DHTKD1: variants seen among roughly 807,000 people sequenced by gnomAD.
DHTKD1 encodes the protein dehydrogenase E1 and transketolase domain containing 1.
Under a neutral mutation model 101.8 loss-of-function variants are expected in DHTKD1, and 78 were observed. That is an observed-to-expected ratio of 0.77 (90% confidence interval 0.64 to 0.93). DHTKD1 has a LOEUF of 0.93. Among genes scored for constraint, DHTKD1 ranks in the 40% least tolerant of loss-of-function variants. The pLI, the probability that DHTKD1 is intolerant of heterozygous loss-of-function variation, is 0.00. For missense variants in DHTKD1, 1,223 were observed against 1,161.7 expected, an observed-to-expected ratio of 1.05 and a Z score of -0.77; for synonymous variants, 462 against 450.3, an observed-to-expected ratio of 1.03 and a Z score of -0.33.
At chr10:12,077,210 G>T (rs1832746957) in intron 1 of DHTKD1, among the ~76,000 whole-genome samples, 3 of 150,692 alleles carry the variant, frequency 2.0e-5, no homozygotes. Flanking sequence ...TATATGTTGT[G>T]GTCATTCATT....
rs1174335738 is a variant in DHTKD1, at chr10:12,103,464, T to TC, written c.1896+2288dup. On this transcript the variant is annotated intron_variant, in intron 10 of 16. Coordinates refer to ENST00000263035, the MANE Select transcript of DHTKD1 (RefSeq NM_018706.7). The surrounding 1 kb of genome is among the most constrained non-coding windows in gnomAD (Gnocchi z 4.8). ...TGAATAGGTCCTTGGGGTGTGTTTTTCCCCCAACTTCGTTGTACATCTCAA... is the reference window on the plus strand; with the variant it reads ...TGAATAGGTCCTTGGGGTGTGTTTTTCCCCCCAACTTCGTTGTACATCTCAA... 1.3e-5 allele frequency among the ~76,000 whole-genome samples: 2 copies of TC among 151,180 alleles called. No homozygotes were observed. The highest frequency in any genetic ancestry group is 1.3e-4 in the Admixed American group (2 of 15,012).
intron 3 of DHTKD1, among the ~76,000 whole-genome samples, chr10:12,085,576 C>A (rs555306069): frequency 2.7e-4 from 41 of 152,266 alleles, no homozygotes; most frequent in Non-Finnish European, 4.9e-4. Context: ...TTACTTAAGA[C>A]TTACTTAAGA....
chr10:12,085,990 C>T (rs888119813), intron 3 of DHTKD1, among the ~76,000 whole-genome samples: 9 of 151,920 alleles, frequency 5.9e-5, no homozygotes, highest in Non-Finnish European at 1.3e-4. Flanking sequence ...CTTGCCCTGT[C>T]GCCCAAGTAG....
At chr10:12,106,439 C>T (rs201257966) in intron 11 of DHTKD1, 43 bp downstream of exon 11, 24 of 1,607,258 alleles carry the variant, frequency 1.5e-5, no homozygotes, top group East Asian at 9.0e-5. Flanking sequence ...GGGGTCCCTG[C>T]GTGGCCCCAG....
intron 14 of DHTKD1, among the ~76,000 whole-genome samples, chr10:12,118,537 TAC>T (rs1833458143): frequency 6.6e-6 from 1 of 151,950 alleles, no homozygotes; most frequent in South Asian, 2.1e-4. Context: ...TGCCCGCCAG[TAC>T]GCCCGGCTAA....
chr10:12,081,189 G>C (rs1158581598), intron 1 of DHTKD1, among the ~76,000 whole-genome samples: 1 of 148,896 alleles, frequency 6.7e-6, no homozygotes, highest in Non-Finnish European at 1.5e-5. Context: ...CAGGAGAATG[G>C]CGTGAACCTG....
Position 12,089,235 on chromosome 10 carries a change from G to C in DHTKD1, c.967G>C (p.Asp323His). Residue 323 changes from aspartate (D) to histidine (H), a missense_variant, in exon 5 of 17, where the codon GAC (aspartate) becomes CAC (histidine). Coordinates refer to ENST00000263035, the MANE Select transcript of DHTKD1 (RefSeq NM_018706.7). ...YSPDNSAQPG[D>H]RVICLQVHGD... Reference sequence around the variant, plus strand: ...TCCAGACAACTCAGCCCAGCCGGGGGACAGGGTCATTTGCTTACAGGTACT... The same window carrying C: ...TCCAGACAACTCAGCCCAGCCGGGGCACAGGGTCATTTGCTTACAGGTACT... The C allele has an allele frequency of 6.2e-7, 1 of 1,614,076 alleles. No homozygotes were observed.
Position 12,089,109 on chromosome 10 carries a change from G to A in DHTKD1, c.841G>A (p.Val281Met), listed in dbSNP as rs1832948740. Residue 281 changes from valine (V) to methionine (M), a missense_variant, in exon 5 of 17, where the codon GTG (valine) becomes ATG (methionine). By Grantham distance (21) the Val-to-Met change is conservative (BLOSUM62 1). Coordinates refer to ENST00000263035, the MANE Select transcript of DHTKD1 (RefSeq NM_018706.7). ...CTTTGGGGCGCACCATCCCCTCCAT[G>A]TGACAATGTTGCCCAATCCCTCGCA... ...LYFGAHHPLHVTMLPNPSHLE... is the reference protein window; with the variant it reads ...LYFGAHHPLHMTMLPNPSHLE... The A allele has an allele frequency of 6.8e-6, 11 of 1,614,028 alleles. No homozygotes were observed. The highest frequency in any genetic ancestry group is 2.7e-5 in the African/African-American group (2 of 74,918).
chr10:12,105,842 C>T (rs190234917), intron 10 of DHTKD1, among the ~76,000 whole-genome samples: 19 of 152,212 alleles, frequency 1.2e-4, no homozygotes, highest in African/African-American at 4.1e-4. Context: ...ATGCTGTAAC[C>T]CCAGCACTTT....
At chr10:12,076,995 A>AAAAAAAAAAG (rs1554790544) in intron 1 of DHTKD1, among the ~76,000 whole-genome samples, 17 of 128,092 alleles carry the variant, frequency 1.3e-4, no homozygotes, top group Non-Finnish European at 1.5e-4. Context: ...AAAAAAAAAA[A>AAAAAAAAAAG]GGAAGAAAAA....
rs1588616118 is a variant in DHTKD1 at position 12,107,685 on chromosome 10, T to C, written c.2048-224T>C. ...TATCCGCCTCAGCCTCCCAAAGTGC[T>C]GGGATTACAGGTGTGAGCCACCGTG... On this transcript the variant is annotated intron_variant, in intron 11 of 16. Coordinates refer to ENST00000263035, the MANE Select transcript of DHTKD1 (RefSeq NM_018706.7). The surrounding 1 kb of genome is among the most constrained non-coding windows in gnomAD (Gnocchi z 4.1). 6.6e-6 allele frequency among the ~76,000 whole-genome samples: 1 copy of C among 152,202 alleles called. No individual in the cohort carries two copies. Among genetic ancestry groups the C allele is most frequent in the Non-Finnish European group, 1.5e-5 (1 of 68,034 alleles).
intron 1 of DHTKD1, among the ~76,000 whole-genome samples, chr10:12,078,968 A>G (rs981640459): frequency 8.4e-4 from 128 of 152,112 alleles, no homozygotes; most frequent in African/African-American, 2.8e-3. Context: ...ATGGGAATGG[A>G]GATTGCCCTG....
Position 12,107,856 on chromosome 10 carries a change from C to A in DHTKD1, c.2048-53C>A, listed in dbSNP as rs893520420. ...ATTTCCCCAGCTGAGTCGTGTCAGG[C>A]CACTTTGTCCCCGCTTCGTAGAGCT... On this transcript the variant is annotated intron_variant, in intron 11 of 16. Coordinates refer to ENST00000263035, the MANE Select transcript of DHTKD1 (RefSeq NM_018706.7). The surrounding 1 kb of genome is among the most constrained non-coding windows in gnomAD (Gnocchi z 4.1). 2 of 1,256,160 alleles carry A rather than the reference C, an allele frequency of 1.6e-6. No individual in the cohort carries two copies. The highest frequency in any genetic ancestry group is 1.2e-6 in the Non-Finnish European group (1 of 864,718). The allele number at this position is 1,256,160 out of a possible 1,614,324, so 77.8% of individuals were successfully genotyped here.
Position 12,107,523 on chromosome 10 carries a change from T to C in DHTKD1, c.2048-386T>C, listed in dbSNP as rs1278789494. 6.6e-6 allele frequency among the ~76,000 whole-genome samples: 1 copy of C among 152,056 alleles called. No individual in the cohort carries two copies. Among genetic ancestry groups the C allele is most frequent in the Non-Finnish European group, 1.5e-5 (1 of 68,032 alleles). On this transcript the variant is annotated intron_variant, in intron 11 of 16. Transcript: ENST00000263035. The surrounding 1 kb of genome is among the most constrained non-coding windows in gnomAD (Gnocchi z 4.1). ...ACCTCTATCTCCCGGGGTCAAGTGA[T>C]TCTCCCACCTCAGCCTCCCGAGTAG... is the stretch of plus-strand genomic sequence containing the variant.
chr10:12,102,004 A>G (rs1224410088), intron 10 of DHTKD1, among the ~76,000 whole-genome samples: 1 of 152,298 alleles, frequency 6.6e-6, no homozygotes, highest in African/African-American at 2.4e-5. Flanking sequence ...CAATTATTCA[A>G]GTGTCTAGCA....
intron 1 of DHTKD1, among the ~76,000 whole-genome samples, chr10:12,078,177 C>T (rs1832762661): frequency 6.6e-6 from 1 of 151,976 alleles, no homozygotes; most frequent in Non-Finnish European, 1.5e-5. Context: ...GTAATCTCAG[C>T]ACTTTGGGAG....
At chr10:12,101,015 T>G (rs1375013895) in intron 9 of DHTKD1, 27 bp from the exon 10 acceptor site, 1 of 1,612,334 alleles carries the variant, frequency 6.2e-7, no homozygotes, top group Non-Finnish European at 8.5e-7. Context: ...TATGGGAATC[T>G]GACTTTTTTT....
intron 7 of DHTKD1, among the ~76,000 whole-genome samples, chr10:12,095,922 T>C (rs1378279097): frequency 1.3e-5 from 2 of 151,406 alleles, no homozygotes; most frequent in African/African-American, 4.8e-5. Flanking sequence ...GGCAACAGAA[T>C]CGCTTGAACT....
At chr10:12,098,017 T>C in intron 8 of DHTKD1, 21 bp downstream of exon 8, 1 of 1,578,626 alleles carries the variant, frequency 6.3e-7, no homozygotes, top group South Asian at 1.2e-5. Context: ...TCCAAATGGC[T>C]GGTTATTGCT....
Sources: gnomAD v4.1 joint callset for allele counts (sites outside exome capture counted in the v4.1 genomes callset) on GRCh38, gnomAD v4.1.1 for gene constraint, Gnocchi (gnomAD v3.1) non-coding constraint, MANE v1.5 for transcripts, NCBI Gene and HGNC (gene_info 2026-07-23, HGNC 2026-07-21) for gene names.